STK32A: variants seen among roughly 807,000 people sequenced by gnomAD.
STK32A encodes serine/threonine kinase 32A.
Under a neutral mutation model 53.2 loss-of-function variants are expected in STK32A, and 41 were observed. The ratio of observed to expected loss-of-function variants is 0.77; its 90% confidence interval spans 0.60 to 1.00. The LOEUF is 1.00. STK32A is among the 50% of genes least tolerant of loss of function. The pLI, the probability that STK32A is intolerant of heterozygous loss-of-function variation, is 0.00. For missense variants in STK32A, 458 were observed against 485.8 expected, an observed-to-expected ratio of 0.94 and a Z score of 0.54; for synonymous variants, 166 against 162.8, an observed-to-expected ratio of 1.02 and a Z score of -0.15.
intron 6 of STK32A, among the ~76,000 whole-genome samples, chr5:147,345,370 T>C (rs1002902265): frequency 1.2e-4 from 18 of 152,222 alleles, no homozygotes; most frequent in Admixed American, 1.3e-4. Context: ...AAAAGTCTAA[T>C]ATTAGTACAA....
At chr5:147,264,451 G>A (rs986459978) in intron 2 of STK32A, among the ~76,000 whole-genome samples, 1 of 152,164 alleles carries the variant, frequency 6.6e-6, no homozygotes, top group Non-Finnish European at 1.5e-5. Flanking sequence ...GATTGGGAAG[G>A]AGATGTAGAA....
At chr5:147,353,653 G>A (rs967492710) in intron 7 of STK32A, among the ~76,000 whole-genome samples, 17 of 152,128 alleles carry the variant, frequency 1.1e-4, no homozygotes, top group South Asian at 6.3e-4. Flanking sequence ...ATAGCTACTC[G>A]GGAGGCTGAG....
chr5:147,283,324 C>T (rs72831337), intron 4 of STK32A, among the ~76,000 whole-genome samples: 6,368 of 151,942 alleles, frequency 0.042, 191 homozygotes, highest in Middle Eastern at 0.11. Context: ...TAGCCCTAAA[C>T]GCCCACATTG....
At chr5:147,268,738 C>T (rs1346725917) in intron 2 of STK32A, among the ~76,000 whole-genome samples, 1 of 152,090 alleles carries the variant, frequency 6.6e-6, no homozygotes, top group Non-Finnish European at 1.5e-5. Context: ...ATTGGAATGG[C>T]CTGAGTCACA....
chr5:147,401,371 G>C, the STK32A span, among the ~76,000 whole-genome samples: 1 of 152,136 alleles, frequency 6.6e-6, no homozygotes, highest in Non-Finnish European at 1.5e-5. Context: ...AAACAGGATG[G>C]GGAAGAGCCT....
At chr5:147,262,065 T>G (rs913520928) in intron 2 of STK32A, among the ~76,000 whole-genome samples, 2 of 152,106 alleles carry the variant, frequency 1.3e-5, no homozygotes, top group Non-Finnish European at 2.9e-5. Flanking sequence ...AATGTGGTAC[T>G]TTTCTTGGGT....
chr5:147,380,840 A>G (rs1263851384), intron 11 of STK32A, among the ~76,000 whole-genome samples: 3 of 152,248 alleles, frequency 2.0e-5, no homozygotes, highest in Non-Finnish European at 4.4e-5. Context: ...CACAAAATCC[A>G]GGTAGAACCT....
intron 11 of STK32A, among the ~76,000 whole-genome samples, chr5:147,378,068 C>T (rs1334371238): frequency 1.3e-5 from 2 of 152,148 alleles, no homozygotes; most frequent in Admixed American, 1.3e-4. Flanking sequence ...ATGAGTCAAT[C>T]TTACCTTATT....
At chr5:147,287,424 G>T (rs940077311) in intron 4 of STK32A, among the ~76,000 whole-genome samples, 5 of 152,174 alleles carry the variant, frequency 3.3e-5, no homozygotes, top group Non-Finnish European at 5.9e-5. Flanking sequence ...AAAAATAATT[G>T]AGGTTTTACT....
At chr5:147,245,410 C>CT (rs201924509) in intron 2 of STK32A, among the ~76,000 whole-genome samples, 1 of 152,080 alleles carries the variant, frequency 6.6e-6, no homozygotes, top group Non-Finnish European at 1.5e-5. Flanking sequence ...TGCTTACAAC[C>CT]TTTTTTAAAA....
At chr5:147,330,727 G>A (rs541808843) in intron 5 of STK32A, among the ~76,000 whole-genome samples, 5 of 152,300 alleles carry the variant, frequency 3.3e-5, no homozygotes, top group Admixed American at 2.6e-4. Context: ...TTCAAAGTAT[G>A]ACCTCCTCAT....
chr5:147,282,694 A>G (rs1207714073), intron 4 of STK32A, among the ~76,000 whole-genome samples: 1 of 152,198 alleles, frequency 6.6e-6, no homozygotes, highest in Non-Finnish European at 1.5e-5. Flanking sequence ...AAAGAGAGAC[A>G]AAGAGGGACA....
intron 2 of STK32A, among the ~76,000 whole-genome samples, chr5:147,253,760 C>G (rs974761226): frequency 3.3e-5 from 5 of 152,170 alleles, no homozygotes; most frequent in Non-Finnish European, 5.9e-5. Flanking sequence ...CAGGACTGTG[C>G]CTTAGTTGAT....
At chr5:147,313,656 G>C (rs138371665) in intron 4 of STK32A, among the ~76,000 whole-genome samples, 3 of 152,190 alleles carry the variant, frequency 2.0e-5, no homozygotes, top group African/African-American at 7.2e-5. Flanking sequence ...AAGTTGGAGG[G>C]CTCATACTTT....
At position 147,296,504 on chromosome 5, in the gene STK32A, A is replaced by C. The variant is rs74991998; in HGVS notation, c.260+17106A>C. Among the ~76,000 whole-genome samples the C allele has an allele frequency of 2.6e-5, 4 of 152,170 alleles. No individual in the cohort carries two copies. The East Asian group carries it at 7.7e-4, about 29-fold the overall frequency. ...CAGTGTGTTTACTGAAGTTATGTGC[A>C]TGCTTACTTGAGGCATCTTTTTTTC... is the stretch of plus-strand genomic sequence containing the variant. On this transcript the variant is annotated intron_variant, in intron 4 of 12. Coordinates refer to ENST00000397936, the MANE Select transcript of STK32A (RefSeq NM_001112724.2).
intron 11 of STK32A, chr5:147,383,136 C>A: frequency 2.7e-6 from 1 of 373,834 alleles, no homozygotes; most frequent in Non-Finnish European, 4.8e-6. Flanking sequence ...TAATTAACTG[C>A]GCTTTGCCAC....
At chr5:147,272,234 A>C (rs1202024478) in intron 2 of STK32A, among the ~76,000 whole-genome samples, 1 of 151,840 alleles carries the variant, frequency 6.6e-6, no homozygotes, top group Non-Finnish European at 1.5e-5. Context: ...ACACCACCAC[A>C]CCCGGCTAAT....
intron 4 of STK32A, among the ~76,000 whole-genome samples, chr5:147,311,974 G>A (rs4705161): frequency 0.83 from 126,380 of 152,204 alleles, 52,850 homozygotes; most frequent in African/African-American, 0.93. Context: ...GTAACATCTA[G>A]TTTACGTTTG....
intron 4 of STK32A, among the ~76,000 whole-genome samples, chr5:147,305,569 C>CA (rs1226053151): frequency 6.6e-6 from 1 of 151,960 alleles, no homozygotes; most frequent in Non-Finnish European, 1.5e-5. Context: ...CATGGTGGGA[C>CA]AAAAGACCAA....
Sources: allele counts gnomAD v4.1 joint callset (sites outside exome capture counted in the v4.1 genomes callset), GRCh38; gene constraint gnomAD v4.1.1; transcripts MANE v1.5; gene names NCBI Gene and HGNC (gene_info 2026-07-23, HGNC 2026-07-21).